The following GRM4 variants were observed in gnomAD, a reference collection of about 807,000 sequenced individuals.
GRM4 encodes glutamate metabotropic receptor 4.
GRM4 carries 28 observed loss-of-function variants against 81.7 expected under a neutral mutation model. The ratio of observed to expected loss-of-function variants is 0.34; its 90% CI spans 0.25 to 0.47. The LOEUF (loss-of-function observed/expected upper bound fraction) is 0.47. Among genes scored for constraint, GRM4 ranks in the 20% least tolerant of loss-of-function variants. GRM4 has a pLI of 1.00. For synonymous variants in GRM4, 488 were observed against 528.8 expected (o/e 0.92, Z 1.06); for missense variants, 948 against 1,290.0 (o/e 0.73, Z 4.06).
In GRM4 at chr6:34,089,915, C is replaced by T. The variant is rs1237104931; in HGVS notation, c.736+1968G>A. On this transcript the variant is annotated intron_variant, in intron 3 of 10. Transcript: ENST00000538487. This position sits in a 1 kb window ranked among gnomAD's most constrained non-coding sequence, Gnocchi z 4.3. ...CACAGGGGCTGGCCCATGTGGGTCT[C>T]AGTGAGCACGCAAATGACAGAAGAC... Among the ~76,000 whole-genome samples, 1 of 152,132 alleles carries T rather than the reference C, an allele frequency of 6.6e-6. No individual in the cohort carries two copies. Among genetic ancestry groups the T allele is most frequent in the Non-Finnish European group, 1.5e-5 (1 of 68,034 alleles).
Position 34,090,188 on chromosome 6 carries a change from G to T in GRM4, c.736+1695C>A, listed in dbSNP as rs1768127166. Among the ~76,000 whole-genome samples, 1 of 152,198 alleles carries T rather than the reference G, an allele frequency of 6.6e-6. No homozygotes were observed. Among genetic ancestry groups the T allele is most frequent in the Admixed American group, 6.5e-5 (1 of 15,282 alleles). On this transcript the variant is annotated intron_variant, in intron 3 of 10. Coordinates refer to ENST00000538487, the MANE Select transcript of GRM4 (RefSeq NM_000841.4). The surrounding 1 kb of genome is among the most constrained non-coding windows in gnomAD (Gnocchi z 5.2). ...GAGGCCTGCATGAGCACTGGGGGTG[G>T]CTTTGAGGTCCCTCAGGGCAGGGAC... is the stretch of plus-strand genomic sequence containing the variant.
intron 1 of GRM4, among the ~76,000 whole-genome samples, chr6:34,140,490 A>G (rs975784867): frequency 6.3e-4 from 96 of 152,272 alleles, no homozygotes; most frequent in African/African-American, 2.2e-3. Context: ...GCCACGTGCA[A>G]AGGCCACAGC....
chr6:34,135,912 C>T (rs1770437012), intron 1 of GRM4, among the ~76,000 whole-genome samples: 2 of 152,156 alleles, frequency 1.3e-5, no homozygotes, highest in Non-Finnish European at 2.9e-5. Context: ...AATCTGGGGG[C>T]CATACTGCCC....
In GRM4 at chr6:34,059,004, T is replaced by A; in HGVS notation, c.997A>T (p.Thr333Ser). ...HLEEVAEGAVTILPKRMSVRG... is the reference protein window; with the variant it reads ...HLEEVAEGAVSILPKRMSVRG... ...ACGGACATCCTCTTGGGGAGGATCG[T>A]GACAGCACCCTCAGCCACCTCCTCC... Residue 333 changes from threonine (T) to serine (S), a missense_variant, in exon 5 of 11, where the codon ACG becomes TCG. By Grantham distance (58) the Thr-to-Ser change is moderately conservative (BLOSUM62 1). Transcript: ENST00000538487. This position sits in a 1 kb window ranked among gnomAD's most constrained non-coding sequence, Gnocchi z 5.7. 6.2e-7 allele frequency: 1 copy of A among 1,613,574 alleles called. No homozygotes were observed. Among genetic ancestry groups the A allele is most frequent in the South Asian group, 1.1e-5 (1 of 91,046 alleles).
chr6:34,087,067 A>T (rs1212870785), intron 3 of GRM4, among the ~76,000 whole-genome samples: 3 of 146,332 alleles, frequency 2.1e-5, no homozygotes, highest in Non-Finnish European at 4.5e-5. Context: ...TGAGGCTCCA[A>T]TGAGCTGTGA....
chr6:34,040,836 C>A, intron 6 of GRM4, 88 bp from the exon 7 acceptor site: 1 of 1,116,122 alleles, frequency 9.0e-7, no homozygotes. Flanking sequence ...CTCTGGCCAC[C>A]TGGAGAAGTG....
rs549584298 is a variant in GRM4, at chr6:34,061,740, T to A, written c.872+153A>T. On this transcript the variant is annotated intron_variant, in intron 4 of 10. Coordinates refer to ENST00000538487, the MANE Select transcript of GRM4 (RefSeq NM_000841.4). ...TAGCTTGTGCTCTAGCCTGTGGGTCTCCCTGCCCACATACCCACTCACCAG... is the reference window on the plus strand; with the variant it reads ...TAGCTTGTGCTCTAGCCTGTGGGTCACCCTGCCCACATACCCACTCACCAG... 2.4e-5 allele frequency: 17 copies of A among 722,084 alleles called. No individual in the cohort carries two copies. In the African/African-American group the frequency reaches 3.0e-4, roughly 13 times the overall value. 44.7% of individuals were successfully genotyped at this position (722,084 alleles called of 1,614,324 possible).
At chr6:34,044,795 CA>C (rs1765271431) in intron 6 of GRM4, among the ~76,000 whole-genome samples, 1 of 150,882 alleles carries the variant, frequency 6.6e-6, no homozygotes, top group Non-Finnish European at 1.5e-5. Flanking sequence ...CACAGACATA[CA>C]TACATACACA....
In GRM4 at chr6:34,111,927, A is replaced by G. The variant is rs1722195589; in HGVS notation, c.520-19828T>C. Among the ~76,000 whole-genome samples the G allele has an allele frequency of 6.6e-6, 1 of 152,278 alleles. No homozygotes were observed. Among genetic ancestry groups the G allele is most frequent in the African/African-American group, 2.4e-5 (1 of 41,552 alleles). On this transcript the variant is annotated intron_variant, in intron 2 of 10. Coordinates refer to ENST00000538487, the MANE Select transcript of GRM4 (RefSeq NM_000841.4). The surrounding 1 kb of genome is among the most constrained non-coding windows in gnomAD (Gnocchi z 5.1). ...TCCATTTCCTGATTGTCCAGATCTT[A>G]TTGAGGTTTCTCAATAAGAAAAGGA...
Position 34,110,858 on chromosome 6 carries a change from T to C in GRM4, c.520-18759A>G, listed in dbSNP as rs969470075. The C allele has an allele frequency of 3.8e-6, 5 of 1,330,800 alleles. No individual in the cohort carries two copies. The South Asian group carries it at 8.5e-5, about 23-fold the overall frequency. The allele number at this position is 1,330,800 out of a possible 1,614,324, so 82.4% of individuals were successfully genotyped here. On this transcript the variant is annotated intron_variant, in intron 2 of 10. Transcript: ENST00000538487. ...GCCCAGCCTTCCTCCAGCTCAGGCC[T>C]GGAGGTGAGGAGATAGCAGGAAGTT... is the stretch of plus-strand genomic sequence containing the variant.
At position 34,099,108 on chromosome 6, in the gene GRM4, C is replaced by T. The variant is rs370352908; in HGVS notation, c.520-7009G>A. On this transcript the variant is annotated intron_variant, in intron 2 of 10. Coordinates refer to ENST00000538487, the MANE Select transcript of GRM4 (RefSeq NM_000841.4). ...TTGTGGCTGGGAGAACAAAGATTTC[C>T]CCCAACCTCCCATGGGCAAGGGAAG... Among the ~76,000 whole-genome samples the T allele has an allele frequency of 3.4e-4, 52 of 152,324 alleles. No homozygotes were observed. The South Asian group carries it at 5.0e-3, about 15-fold the overall frequency.
chr6:34,059,215 C>A lies in GRM4; in HGVS notation c.873-87G>T. 1 of 1,230,336 alleles carries A rather than the reference C, an allele frequency of 8.1e-7. No homozygotes were observed. The highest frequency in any genetic ancestry group is 1.3e-5 in the South Asian group (1 of 75,314). 76.2% of individuals were successfully genotyped at this position (1,230,336 alleles called of 1,614,324 possible). ...GGCCACACTTGCTTTGGGCCCACGT[C>A]CCTCACCCCCAGAAGCCCAGGGTCC... is the stretch of plus-strand genomic sequence containing the variant. On this transcript the variant is annotated intron_variant, in intron 4 of 10. Transcript: ENST00000538487. The surrounding 1 kb of genome is among the most constrained non-coding windows in gnomAD (Gnocchi z 5.7).
intron 2 of GRM4, among the ~76,000 whole-genome samples, chr6:34,122,671 G>A (rs1328806693): frequency 2.6e-5 from 4 of 152,070 alleles, no homozygotes; most frequent in Admixed American, 2.6e-4. Context: ...CCCTGCTGCG[G>A]GCACCATCCT....
intron 8 of GRM4, among the ~76,000 whole-genome samples, chr6:34,039,346 C>T (rs1764882934): frequency 1.3e-5 from 2 of 152,088 alleles, no homozygotes; most frequent in Admixed American, 6.5e-5. Flanking sequence ...GGCGGGGCCT[C>T]GATGCAGCAC....
chr6:34,140,033 C>A (rs1359384430), intron 1 of GRM4, among the ~76,000 whole-genome samples: 2 of 152,030 alleles, frequency 1.3e-5, no homozygotes, highest in African/African-American at 4.8e-5. Context: ...ATATAGATGG[C>A]TGGGACTTCA....
At chr6:34,153,697 C>T (rs1223937738) in intron 1 of GRM4, among the ~76,000 whole-genome samples, 1 of 152,140 alleles carries the variant, frequency 6.6e-6, no homozygotes, top group Non-Finnish European at 1.5e-5. Flanking sequence ...ACCAGCCTGA[C>T]CAACATGGTG....
At chr6:34,091,784 G>A (rs78033403) in intron 3 of GRM4, 99 bp downstream of exon 3, 21,170 of 854,056 alleles carry the variant, frequency 0.025, 317 homozygotes, top group African/African-American at 0.046. Flanking sequence ...GGCAGTCAGA[G>A]CCTGTATCAG....
Position 34,028,104 on chromosome 6 carries a change from G to T in GRM4, c.2689+16C>A. ...GGCCTGGGGCCCGAGAGGGCAGAAC[G>T]GGGCCAGGCACTCACCTGGGGCCTC... On this transcript the variant is annotated intron_variant, in intron 10 of 10. Transcript: ENST00000538487. 1 of 1,603,880 alleles carries T rather than the reference G, an allele frequency of 6.2e-7. No individual in the cohort carries two copies. The highest frequency in any genetic ancestry group is 2.2e-5 in the East Asian group (1 of 44,514).
At chr6:34,046,556 G>A (rs192104447) in intron 6 of GRM4, among the ~76,000 whole-genome samples, 87 of 152,294 alleles carry the variant, frequency 5.7e-4, no homozygotes, top group African/African-American at 2.0e-3. Context: ...GGACCTCCAG[G>A]AGACCCTGCA....
Sources: gnomAD v4.1 joint callset for allele counts (sites outside exome capture counted in the v4.1 genomes callset) on GRCh38, gnomAD v4.1.1 for gene constraint, Gnocchi (gnomAD v3.1) non-coding constraint, MANE v1.5 for transcripts, NCBI Gene and HGNC (gene_info 2026-07-23, HGNC 2026-07-21) for gene names.